Variants in DLGAP2 observed in about 807,000 individuals in gnomAD.
DLGAP2 encodes the protein DLG associated protein 2, also known as disks large-associated protein 2.
DLGAP2 carries 26 observed loss-of-function variants against 100.3 expected under a neutral mutation model. That is an observed-to-expected ratio of 0.26 (90% CI 0.19 to 0.36). The LOEUF (loss-of-function observed/expected upper bound fraction) is 0.36, where lower values mean the gene tolerates loss of function less well. Ranked by LOEUF, DLGAP2 falls within the 10% of genes least tolerant of loss-of-function variation. The probability of loss-of-function intolerance (pLI) is 1.00; values close to 1 mark genes in which losing one functional copy is unlikely to be tolerated. For missense variants in DLGAP2, 1,858 were observed against 1,453.2 expected (o/e 1.28, Z -4.53); for synonymous variants, 886 against 630.1 (o/e 1.41, Z -6.08).
chr8:1,293,700 G>C (rs978893698), intron 3 of DLGAP2, among the ~76,000 whole-genome samples: 2 of 152,136 alleles, frequency 1.3e-5, no homozygotes, highest in Admixed American at 1.3e-4. Flanking sequence ...TGCCCAGCCT[G>C]AGCCCTTCCC....
intron 2 of DLGAP2, among the ~76,000 whole-genome samples, chr8:975,451 TC>T (rs1394759268): frequency 6.6e-6 from 1 of 152,138 alleles, no homozygotes; most frequent in Admixed American, 6.5e-5. Context: ...AAAGAAAGGA[TC>T]ACTGCAGACC....
chr8:780,751 G>A (rs1008182965), intron 1 of DLGAP2, among the ~76,000 whole-genome samples: 2 of 152,342 alleles, frequency 1.3e-5, no homozygotes, highest in South Asian at 2.1e-4. Flanking sequence ...CAGAGTCGCC[G>A]TGTCTGGCAG....
At position 1,024,213 on chromosome 8, in the gene DLGAP2, A is replaced by C. The variant is rs144775667; in HGVS notation, c.73+116247A>C. The stretch of plus-strand genomic sequence containing the variant: ...TTCCGTGCCGAGGTAGACACTCCAA[A>C]CACCACCCACCCTCCCTGGAAGTGG... On this transcript the variant is annotated intron_variant, in intron 2 of 14. Coordinates refer to ENST00000637795, the MANE Select transcript of DLGAP2 (RefSeq NM_001346810.2). 7.5e-3 allele frequency among the ~76,000 whole-genome samples: 405 copies of C among 54,046 alleles called. 14 individuals are homozygous for C. Among genetic ancestry groups the C allele is most frequent in the Middle Eastern group, 0.015 (1 of 66 alleles). 35.5% of individuals were successfully genotyped at this position (54,046 alleles called of 152,430 possible).
chr8:1,237,690 G>A (rs544089290), intron 2 of DLGAP2, among the ~76,000 whole-genome samples: 14 of 105,146 alleles, frequency 1.3e-4, no homozygotes, highest in South Asian at 7.5e-4. Flanking sequence ...ACATGGCACC[G>A]TGTCTAGTTC....
intron 6 of DLGAP2, among the ~76,000 whole-genome samples, chr8:1,590,314 C>T (rs1250793205): frequency 2.0e-5 from 3 of 152,284 alleles, no homozygotes; most frequent in African/African-American, 4.8e-5. Context: ...CAGAAGCAAT[C>T]GCGTCGCCAG....
chr8:1,487,632 G>A (rs1799263500), intron 3 of DLGAP2, among the ~76,000 whole-genome samples: 1 of 152,206 alleles, frequency 6.6e-6, no homozygotes, highest in Non-Finnish European at 1.5e-5. Context: ...CCCTGTACAT[G>A]TGTCTGTGAC....
chr8:891,851 G>T (rs10096013), intron 1 of DLGAP2, among the ~76,000 whole-genome samples: 33,614 of 152,082 alleles, frequency 0.22, 4,070 homozygotes, highest in Non-Finnish European at 0.27. Context: ...AGCCGAGGAG[G>T]GGGAGGACCT....
At chr8:970,097 T>A (rs1563120530) in intron 2 of DLGAP2, among the ~76,000 whole-genome samples, 2 of 152,174 alleles carry the variant, frequency 1.3e-5, no homozygotes, top group Admixed American at 6.5e-5. Context: ...ATCCTGCTCA[T>A]TAACCTAAAG....
chr8:1,562,209 G>A lies in DLGAP2; in HGVS notation c.1231-3474G>A, dbSNP rs180686453. ...TGTGGTGTTGGGGTGTCTGCACCTC[G>A]TTACTGGGGGACTGTGTGGTGTTGG... On this transcript the variant is annotated intron_variant, in intron 5 of 14. Coordinates refer to ENST00000637795, the MANE Select transcript of DLGAP2 (RefSeq NM_001346810.2). 1.8e-3 allele frequency among the ~76,000 whole-genome samples: 47 copies of A among 25,594 alleles called. 8 individuals are homozygous for A. Among genetic ancestry groups the A allele is most frequent in the African/African-American group, 8.3e-3 (45 of 5,400 alleles). 16.8% of individuals were successfully genotyped at this position (25,594 alleles called of 152,430 possible). A position where few individuals can be genotyped will look rare whatever the true frequency, so the allele number is the denominator to read the frequency against.
At chr8:1,056,299 C>A (rs148447893) in intron 2 of DLGAP2, among the ~76,000 whole-genome samples, 2 of 152,286 alleles carry the variant, frequency 1.3e-5, no homozygotes, top group African/African-American at 4.8e-5. Flanking sequence ...TCTAACGCAT[C>A]CCATAGTTTC....
chr8:761,934 G>A (rs1324863623), intron 1 of DLGAP2, among the ~76,000 whole-genome samples: 1 of 152,202 alleles, frequency 6.6e-6, no homozygotes, highest in Non-Finnish European at 1.5e-5. Context: ...GGATGAGGAT[G>A]CTTCTGAAGC....
At chr8:1,462,868 A>G (rs1460668801) in intron 3 of DLGAP2, among the ~76,000 whole-genome samples, 1 of 152,242 alleles carries the variant, frequency 6.6e-6, no homozygotes, top group African/African-American at 2.4e-5. Flanking sequence ...TGAAACGATT[A>G]GTTCAAGAAG....
intron 2 of DLGAP2, among the ~76,000 whole-genome samples, chr8:1,192,012 C>T (rs1023230863): frequency 1.3e-5 from 2 of 152,276 alleles, no homozygotes; most frequent in African/African-American, 4.8e-5. Context: ...CTGTGAGTTC[C>T]GGTTACCTTG....
intron 3 of DLGAP2, among the ~76,000 whole-genome samples, chr8:1,411,800 T>G (rs1435130202): frequency 6.6e-6 from 1 of 152,174 alleles, no homozygotes; most frequent in Non-Finnish European, 1.5e-5. Flanking sequence ...GCGCATGAAG[T>G]CTCTCTCACT....
intron 7 of DLGAP2, among the ~76,000 whole-genome samples, chr8:1,630,081 C>T (rs1797604690): frequency 1.3e-5 from 2 of 152,056 alleles, no homozygotes; most frequent in Non-Finnish European, 2.9e-5. Context: ...AATTCTAAGT[C>T]ATTCCTATGC....
At position 1,168,965 on chromosome 8, in the gene DLGAP2, G is replaced by C. The variant is rs1382011141; in HGVS notation, c.74-89886G>C. 2.1e-4 allele frequency among the ~76,000 whole-genome samples: 30 copies of C among 145,208 alleles called. 1 individual carries two copies. Among genetic ancestry groups the C allele is most frequent in the African/African-American group, 7.4e-4 (29 of 39,152 alleles). On this transcript the variant is annotated intron_variant, in intron 2 of 14. Coordinates refer to ENST00000637795, the MANE Select transcript of DLGAP2 (RefSeq NM_001346810.2). ...ACATGAAGTCCTTGCCCATGCCTAT[G>C]TCCTGAATGGTATTGCCTAGGTTTT...
intron 2 of DLGAP2, among the ~76,000 whole-genome samples, chr8:1,079,218 G>A (rs1803720911): frequency 6.6e-6 from 1 of 152,122 alleles, no homozygotes; most frequent in African/African-American, 2.4e-5. Context: ...TGTCTCTTCA[G>A]ATCTTTGTGT....
chr8:1,347,844 A>T (rs1801602415), intron 3 of DLGAP2, among the ~76,000 whole-genome samples: 1 of 150,042 alleles, frequency 6.7e-6, no homozygotes, highest in Non-Finnish European at 1.5e-5. Context: ...GTGGAGATTG[A>T]GTTCCCATAC....
At chr8:1,430,031 C>A (rs10088425) in intron 3 of DLGAP2, among the ~76,000 whole-genome samples, 2 of 37,970 alleles carry the variant, frequency 5.3e-5, no homozygotes, top group Non-Finnish European at 9.7e-5. Flanking sequence ...TATATATACA[C>A]ACACACACAT....
Sources: gnomAD v4.1 joint callset for allele counts (sites outside exome capture counted in the v4.1 genomes callset) on GRCh38, gnomAD v4.1.1 for gene constraint, MANE v1.5 for transcripts, NCBI Gene and HGNC (gene_info 2026-07-23, HGNC 2026-07-21) for gene names.